The following PTPRT variants were observed in gnomAD, a reference collection of about 807,000 sequenced individuals.
The protein encoded by PTPRT is protein tyrosine phosphatase receptor type T.
In PTPRT, 56 loss-of-function variants were observed where a neutral mutation model predicts 176.8. The observed-to-expected ratio is 0.32, with a 90% confidence interval of 0.26 to 0.40. The LOEUF (loss-of-function observed/expected upper bound fraction) is 0.40, where lower values mean the gene tolerates loss of function less well. Ranked by LOEUF, PTPRT falls within the 10% of genes least tolerant of loss-of-function variation. PTPRT has a pLI of 1.00. For missense variants in PTPRT, 1,540 were observed against 1,908.2 expected, an observed-to-expected ratio of 0.81 and a Z score of 3.60; for synonymous variants, 783 against 739.0, an observed-to-expected ratio of 1.06 and a Z score of -0.96.
intron 9 of PTPRT, among the ~76,000 whole-genome samples, chr20:42,370,219 C>T (rs1165151406): frequency 6.6e-6 from 1 of 152,212 alleles, no homozygotes; most frequent in African/African-American, 2.4e-5. Flanking sequence ...ATGTAACTCC[C>T]TGGGGGAAAC....
intron 6 of PTPRT, among the ~76,000 whole-genome samples, chr20:42,684,523 T>C (rs2075659095): frequency 6.6e-6 from 1 of 152,152 alleles, no homozygotes; most frequent in Admixed American, 6.5e-5. Context: ...TAGAGAATAC[T>C]GAATGCACCT....
intron 9 of PTPRT, among the ~76,000 whole-genome samples, chr20:42,426,000 G>A (rs1194300443): frequency 1.3e-5 from 2 of 152,222 alleles, no homozygotes; most frequent in South Asian, 4.1e-4. Context: ...AGGTCATGAG[G>A]AGTCCAGGGG....
At chr20:42,881,070 G>A (rs759829756) in intron 2 of PTPRT, among the ~76,000 whole-genome samples, 12 of 152,136 alleles carry the variant, frequency 7.9e-5, no homozygotes, top group Non-Finnish European at 1.6e-4. Flanking sequence ...TAGAAGTGGG[G>A]GCAAGGTCTC....
chr20:42,282,398 T>A, intron 13 of PTPRT, 91 bp downstream of exon 13: 2 of 1,291,104 alleles, frequency 1.5e-6, no homozygotes, highest in Non-Finnish European at 2.2e-6. Context: ...TGTTTTGAGT[T>A]ACTGTTGCCT....
intron 27 of PTPRT, among the ~76,000 whole-genome samples, chr20:42,087,518 A>T (rs1600475755): frequency 1.4e-5 from 2 of 145,432 alleles, no homozygotes; most frequent in African/African-American, 5.0e-5. Flanking sequence ...AAGTGCCGGG[A>T]TTACAGGTGT....
intron 7 of PTPRT, among the ~76,000 whole-genome samples, chr20:42,652,080 CAAAA>C (rs370533271): frequency 3.7e-5 from 5 of 135,300 alleles, no homozygotes; most frequent in African/African-American, 1.3e-4. Flanking sequence ...ACAAAAAAAA[CAAAA>C]AAAAAAAGGA....
At chr20:43,110,687 C>T (rs1471586563) in intron 1 of PTPRT, among the ~76,000 whole-genome samples, 1 of 152,174 alleles carries the variant, frequency 6.6e-6, no homozygotes, top group Admixed American at 6.5e-5. Context: ...TATTAAAAAT[C>T]ACTCTGGCTT....
intron 1 of PTPRT, among the ~76,000 whole-genome samples, chr20:42,951,542 C>T (rs1030968467): frequency 6.6e-6 from 1 of 152,148 alleles, no homozygotes; most frequent in African/African-American, 2.4e-5. Context: ...GTGAAAAGCA[C>T]TGAGGATTCA....
intron 12 of PTPRT, among the ~76,000 whole-genome samples, chr20:42,292,667 A>G (rs190971642): frequency 6.6e-6 from 1 of 152,314 alleles, no homozygotes; most frequent in East Asian, 1.9e-4. Context: ...GTCAGATGCT[A>G]TGCTTTCTTG....
At chr20:42,504,895 A>G (rs2071816735) in intron 7 of PTPRT, among the ~76,000 whole-genome samples, 1 of 152,256 alleles carries the variant, frequency 6.6e-6, no homozygotes, top group Admixed American at 6.5e-5. Flanking sequence ...ATATTTTACT[A>G]GGCTCTGCAG....
intron 2 of PTPRT, among the ~76,000 whole-genome samples, chr20:42,827,674 G>A (rs1015130941): frequency 1.3e-5 from 2 of 152,160 alleles, no homozygotes; most frequent in Non-Finnish European, 2.9e-5. Flanking sequence ...GAGGGACCTG[G>A]TGGGAGGTAA....
chr20:42,272,464 T>G (rs2056952652), intron 13 of PTPRT, among the ~76,000 whole-genome samples: 2 of 152,066 alleles, frequency 1.3e-5, no homozygotes, highest in Non-Finnish European at 2.9e-5. Flanking sequence ...CGCCCTCACA[T>G]GTCAGTAAAA....
At chr20:42,477,386 T>C (rs1473182099) in intron 7 of PTPRT, among the ~76,000 whole-genome samples, 1 of 151,928 alleles carries the variant, frequency 6.6e-6, no homozygotes, top group African/African-American at 2.4e-5. Flanking sequence ...GTAATATATA[T>C]ATATATATTT....
intron 1 of PTPRT, among the ~76,000 whole-genome samples, chr20:43,084,451 T>C (rs2146294533): frequency 6.6e-6 from 1 of 152,168 alleles, no homozygotes; most frequent in South Asian, 2.1e-4. Context: ...GAGCAAGCAA[T>C]GGGGAAACTG....
At chr20:42,169,493 G>C (rs1989981726) in intron 16 of PTPRT, among the ~76,000 whole-genome samples, 1 of 151,962 alleles carries the variant, frequency 6.6e-6, no homozygotes, top group Non-Finnish European at 1.5e-5. Context: ...GAATATTGAT[G>C]AATTATAGCA....
intron 7 of PTPRT, among the ~76,000 whole-genome samples, chr20:42,556,868 A>C (rs1357537556): frequency 1.3e-5 from 2 of 152,176 alleles, no homozygotes; most frequent in Non-Finnish European, 2.9e-5. Context: ...TTCAATGTTC[A>C]TGAGGAAGCT....
intron 9 of PTPRT, 84 bp from the exon 10 acceptor site, chr20:42,352,369 G>A (rs952523323): frequency 1.1e-5 from 15 of 1,389,920 alleles, no homozygotes; most frequent in Admixed American, 5.2e-5. Context: ...GAACCTTAGG[G>A]AGGCGGGGGA....
At chr20:43,106,415 T>C (rs903491835) in intron 1 of PTPRT, among the ~76,000 whole-genome samples, 1 of 152,130 alleles carries the variant, frequency 6.6e-6, no homozygotes, top group Non-Finnish European at 1.5e-5. Context: ...GCCAGCACTT[T>C]GGGAGGCCAA....
intron 1 of PTPRT, among the ~76,000 whole-genome samples, chr20:43,130,706 A>G (rs1600734045): frequency 1.3e-5 from 2 of 152,102 alleles, no homozygotes; most frequent in East Asian, 3.9e-4. Flanking sequence ...TCTGTTCGTC[A>G]TGCTGAAAAA....
Sources: gnomAD v4.1 joint callset for allele counts (sites outside exome capture counted in the v4.1 genomes callset) on GRCh38, gnomAD v4.1.1 for gene constraint, MANE v1.5 for transcripts, NCBI Gene and HGNC (gene_info 2026-07-23, HGNC 2026-07-21) for gene names.